The following FSTL5 variants were observed in gnomAD, a reference collection of about 807,000 sequenced individuals.
FSTL5 encodes the protein follistatin like 5.
A neutral mutation model predicts 89.1 loss-of-function variants in FSTL5; 62 were observed. The ratio of observed to expected loss-of-function variants is 0.70; its 90% CI spans 0.57 to 0.86. The LOEUF is 0.86. Ranked by LOEUF, FSTL5 falls within the 40% of genes least tolerant of loss-of-function variation. The pLI is 0.00. For missense variants in FSTL5, 1,057 were observed against 1,001.6 expected, an observed-to-expected ratio of 1.06 and a Z score of -0.75; for synonymous variants, 383 against 346.2, an observed-to-expected ratio of 1.11 and a Z score of -1.18.
rs550528957 is a variant in FSTL5, at chr4:161,575,242, G to A, written c.1015+12213C>T. On this transcript the variant is annotated intron_variant, in intron 8 of 15. Coordinates refer to ENST00000306100, the MANE Select transcript of FSTL5 (RefSeq NM_020116.5). ...TAAATTCCTTGTAGATTCCGGATAT[G>A]AGACCTTTGTCAGATAAGAAGATTG... is the stretch of plus-strand genomic sequence containing the variant. 4.0e-5 allele frequency among the ~76,000 whole-genome samples: 6 copies of A among 151,632 alleles called. No homozygotes were observed. In the South Asian group the frequency reaches 1.3e-3, roughly 32 times the overall value.
At chr4:161,836,554 G>T (rs933241607) in intron 4 of FSTL5, among the ~76,000 whole-genome samples, 5 of 152,112 alleles carry the variant, frequency 3.3e-5, no homozygotes, top group Admixed American at 3.3e-4. Context: ...CTGCTAAAGG[G>T]TCCCAGTGGT....
chr4:161,564,076 G>C (rs1732711853), intron 8 of FSTL5, among the ~76,000 whole-genome samples: 1 of 151,654 alleles, frequency 6.6e-6, no homozygotes, highest in Non-Finnish European at 1.5e-5. Context: ...ATAAACATTT[G>C]ATATTAATTT....
chr4:161,952,917 A>C (rs1309528067), intron 3 of FSTL5, among the ~76,000 whole-genome samples: 1 of 151,788 alleles, frequency 6.6e-6, no homozygotes, highest in Non-Finnish European at 1.5e-5. Flanking sequence ...AACATTCAGA[A>C]GTTACAAAAA....
rs867887102 is a variant in FSTL5, at chr4:161,546,273, T to C, written c.1016-3580A>G. Among the ~76,000 whole-genome samples, 105 of 145,598 alleles carry C rather than the reference T, an allele frequency of 7.2e-4. 2 individuals carry two copies. Among genetic ancestry groups the C allele is most frequent in the Middle Eastern group, 7.4e-3 (2 of 272 alleles). ...GAATAGATTAAGAATACTATAAATA[T>C]GCATATTATATATACATATTATATA... On this transcript the variant is annotated intron_variant, in intron 8 of 15. Coordinates refer to ENST00000306100, the MANE Select transcript of FSTL5 (RefSeq NM_020116.5).
intron 15 of FSTL5, among the ~76,000 whole-genome samples, chr4:161,428,248 C>A (rs982018902): frequency 6.6e-6 from 1 of 152,206 alleles, no homozygotes. Flanking sequence ...CCCCCACGGG[C>A]TAAAGGGCTC....
intron 10 of FSTL5, among the ~76,000 whole-genome samples, chr4:161,513,700 AGCTGGAG>A (rs1270948334): frequency 6.6e-6 from 1 of 152,166 alleles, no homozygotes; most frequent in Non-Finnish European, 1.5e-5. Flanking sequence ...ACTTGAATGG[AGCTGGAG>A]GCCATTATCC....
At chr4:161,943,538 C>CTTTTTTTTTTTT (rs77101651) in intron 3 of FSTL5, among the ~76,000 whole-genome samples, 1 of 34,342 alleles carries the variant, frequency 2.9e-5, no homozygotes, top group African/African-American at 1.2e-4. Context: ...ACCACTGTAT[C>CTTTTTTTTTTTT]TTTTTTTTTT....
Position 161,461,578 on chromosome 4 carries a change from G to C in FSTL5, c.1609-2259C>G, listed in dbSNP as rs116215504. The stretch of plus-strand genomic sequence containing the variant: ...AACCTTGAGTTGCTACACAAACATA[G>C]AACAGCTATTCCCAGACTTGATGTT... On this transcript the variant is annotated intron_variant, in intron 13 of 15. Coordinates refer to ENST00000306100, the MANE Select transcript of FSTL5 (RefSeq NM_020116.5). 3.7e-3 allele frequency among the ~76,000 whole-genome samples: 548 copies of C among 148,684 alleles called. 3 individuals are homozygous for C. Among genetic ancestry groups the C allele is most frequent in the African/African-American group, 0.012 (498 of 40,412 alleles).
intron 7 of FSTL5, among the ~76,000 whole-genome samples, chr4:161,617,503 A>G (rs2126641820): frequency 6.6e-6 from 1 of 152,328 alleles, no homozygotes; most frequent in African/African-American, 2.4e-5. Flanking sequence ...ACATCAACTT[A>G]CAGACCTAAG....
chr4:161,995,282 G>T (rs987642681), intron 3 of FSTL5, among the ~76,000 whole-genome samples: 4 of 152,072 alleles, frequency 2.6e-5, no homozygotes, highest in Non-Finnish European at 5.9e-5. Flanking sequence ...TAGTTACTTA[G>T]AACTACTCTA....
Position 161,385,909 on chromosome 4 carries a change from G to T in FSTL5, c.2382C>A (p.Asn794Lys). The change falls in exon 16 of 16, where the codon AAC becomes AAA. Residue 794 changes from asparagine (N) to lysine (K), a missense_variant. Asn to Lys is a moderately conservative substitution (Grantham distance 94, BLOSUM62 0). This residue lies in a region of FSTL5 where 68 missense variants were observed against 73.3 expected (regional missense o/e 0.93). Coordinates refer to ENST00000306100, the MANE Select transcript of FSTL5 (RefSeq NM_020116.5). ...TGTCCTGGATTTGCCTGTTTTTCCG[G>T]TTCCAAGGCCATTCTTCTGCCTTGA... ...EPLKAEEWPW[N>K]RKNRQIQDSG... 6.2e-7 allele frequency: 1 copy of T among 1,613,852 alleles called. No individual in the cohort carries two copies. Among genetic ancestry groups the T allele is most frequent in the Non-Finnish European group, 8.5e-7 (1 of 1,179,916 alleles).
chr4:161,790,259 A>G (rs905648051), intron 4 of FSTL5, among the ~76,000 whole-genome samples: 3 of 152,230 alleles, frequency 2.0e-5, no homozygotes, highest in African/African-American at 7.2e-5. Flanking sequence ...ATGGTAGTTA[A>G]GACTTTACAG....
chr4:161,850,960 G>C (rs1731530020), intron 4 of FSTL5, among the ~76,000 whole-genome samples: 1 of 152,128 alleles, frequency 6.6e-6, no homozygotes, highest in Non-Finnish European at 1.5e-5. Context: ...AAGGTAATGG[G>C]TTGATCTGTG....
chr4:161,575,416 C>G (rs1325295131), intron 8 of FSTL5, among the ~76,000 whole-genome samples: 1 of 151,904 alleles, frequency 6.6e-6, no homozygotes, highest in Non-Finnish European at 1.5e-5. Context: ...AAGTCTTTGC[C>G]CATGCCTATG....
chr4:161,986,869 T>C (rs2062232), intron 3 of FSTL5, among the ~76,000 whole-genome samples: 21,056 of 152,098 alleles, frequency 0.14, 2,125 homozygotes, highest in African/African-American at 0.29. Context: ...GGATTAGGTT[T>C]AATTAGCACT....
intron 3 of FSTL5, among the ~76,000 whole-genome samples, chr4:161,965,259 G>A (rs1047883857): frequency 3.3e-5 from 5 of 151,996 alleles, no homozygotes; most frequent in African/African-American, 1.2e-4. Flanking sequence ...ACTTTTACAA[G>A]TTATCCAAAT....
At chr4:162,084,881 C>A (rs1049568004) in intron 2 of FSTL5, among the ~76,000 whole-genome samples, 8 of 151,970 alleles carry the variant, frequency 5.3e-5, no homozygotes, top group African/African-American at 1.7e-4. Context: ...ATGTAACAAA[C>A]CTGCACATTC....
chr4:162,156,399 G>T (rs894025142), intron 1 of FSTL5, among the ~76,000 whole-genome samples: 9 of 152,106 alleles, frequency 5.9e-5, no homozygotes, highest in Non-Finnish European at 1.2e-4. Context: ...TGGGTAGATA[G>T]CCACAAGAAA....
chr4:162,127,013 C>T (rs923928698), intron 1 of FSTL5, among the ~76,000 whole-genome samples: 12 of 152,086 alleles, frequency 7.9e-5, no homozygotes, highest in African/African-American at 2.7e-4. Flanking sequence ...TTTAAGCATC[C>T]ACCTCTCTCA....
Sources: allele counts gnomAD v4.1 joint callset (sites outside exome capture counted in the v4.1 genomes callset), GRCh38; gene constraint gnomAD v4.1.1; regional missense constraint gnomAD v4.1.1; transcripts MANE v1.5; gene names NCBI Gene and HGNC (gene_info 2026-07-23, HGNC 2026-07-21).